The following PCMTD1 variants were observed in gnomAD, a reference collection of about 807,000 sequenced individuals.
PCMTD1 encodes the protein protein-L-isoaspartate (D-aspartate) O-methyltransferase domain containing 1, also known as protein-L-isoaspartate O-methyltransferase domain-containing protein 1.
PCMTD1 carries 12 observed loss-of-function variants against 37.6 expected under a neutral mutation model. That is an observed-to-expected ratio of 0.32 (90% CI 0.20 to 0.52). The LOEUF is 0.52. PCMTD1 is among the 20% of genes least tolerant of loss of function. PCMTD1 has a pLI of 0.97. For synonymous variants in PCMTD1, 117 were observed against 135.8 expected (o/e 0.86, Z 0.96); for missense variants, 235 against 421.3 (o/e 0.56, Z 3.87).
chr8:51,873,467 A>G (rs999744488), intron 1 of PCMTD1, among the ~76,000 whole-genome samples: 4 of 152,204 alleles, frequency 2.6e-5, no homozygotes, highest in African/African-American at 9.7e-5. Flanking sequence ...AGTTTAATCA[A>G]TTCTTGAAAA....
intron 1 of PCMTD1, among the ~76,000 whole-genome samples, chr8:51,893,951 T>C (rs927003304): frequency 1.3e-5 from 2 of 152,196 alleles, no homozygotes; most frequent in Non-Finnish European, 2.9e-5. Context: ...CAGTAAGACA[T>C]AGTTTGTGCT....
Position 51,846,239 on chromosome 8 carries a change from T to C in PCMTD1, c.308-476A>G, listed in dbSNP as rs540138825. On this transcript the variant is annotated intron_variant, in intron 2 of 5. Coordinates refer to ENST00000522514, the MANE Select transcript of PCMTD1 (RefSeq NM_052937.4). ...AAATTCCCACCCCACTCCATGCCTT[T>C]TGGAGCTCCCAGTGCCTAGCAGAAT... Among the ~76,000 whole-genome samples the C allele has an allele frequency of 7.2e-5, 11 of 152,286 alleles. No homozygotes were observed. The South Asian group carries it at 1.9e-3, about 26-fold the overall frequency.
intron 1 of PCMTD1, among the ~76,000 whole-genome samples, chr8:51,888,664 G>A (rs2038896751): frequency 6.6e-6 from 1 of 152,078 alleles, no homozygotes; most frequent in Non-Finnish European, 1.5e-5. Flanking sequence ...GAAATAATGT[G>A]CACATTCAAA....
intron 1 of PCMTD1, among the ~76,000 whole-genome samples, chr8:51,874,623 T>TGA (rs112497662): frequency 6.6e-6 from 1 of 152,090 alleles, no homozygotes; most frequent in Admixed American, 6.5e-5. Flanking sequence ...AGCCAAACAG[T>TGA]GTAAAATTAC....
chr8:51,876,609 AAT>A (rs1268285369), intron 1 of PCMTD1, among the ~76,000 whole-genome samples: 1 of 152,202 alleles, frequency 6.6e-6, no homozygotes, highest in Non-Finnish European at 1.5e-5. Context: ...AGGCAGGGAA[AAT>A]ATGAGTCTGA....
intron 1 of PCMTD1, among the ~76,000 whole-genome samples, chr8:51,874,008 G>A (rs2038677682): frequency 6.6e-6 from 1 of 151,720 alleles, no homozygotes. Context: ...CGCCTCCCGG[G>A]TTCAAGCAAT....
chr8:51,856,468 A>C (rs769263869), intron 2 of PCMTD1, among the ~76,000 whole-genome samples: 17 of 152,206 alleles, frequency 1.1e-4, no homozygotes, highest in Non-Finnish European at 2.4e-4. Context: ...TAAAAACATA[A>C]ATTTACCATA....
rs1423668456 is a variant in PCMTD1 at position 51,818,016 on chromosome 8, T to C, written c.*2335A>G. The C allele has an allele frequency of 2.5e-5, 11 of 448,730 alleles. No individual in the cohort carries two copies. Among genetic ancestry groups the C allele is most frequent in the Non-Finnish European group, 1.8e-5 (4 of 222,678 alleles). 27.8% of individuals were successfully genotyped at this position (448,730 alleles called of 1,614,324 possible). A position where few individuals can be genotyped will look rare whatever the true frequency, so the allele number is the denominator to read the frequency against. ...TATATTCCCCATCATTTTCACTTAC[T>C]TTTACTTAATCTTTATTTGCTACTT... On this transcript the variant is annotated 3_prime_UTR_variant, in exon 6 of 6. Transcript: ENST00000522514.
intron 2 of PCMTD1, among the ~76,000 whole-genome samples, chr8:51,855,620 A>G (rs947016590): frequency 6.6e-6 from 1 of 152,028 alleles, no homozygotes; most frequent in Non-Finnish European, 1.5e-5. Context: ...TTGATGCATA[A>G]AACAGAGTAT....
intron 1 of PCMTD1, among the ~76,000 whole-genome samples, chr8:51,861,459 G>C (rs893485473): frequency 6.6e-6 from 1 of 152,014 alleles, no homozygotes; most frequent in African/African-American, 2.4e-5. Flanking sequence ...TGTACAGATG[G>C]GAAAACTGGA....
chr8:51,883,214 T>G (rs1365326134), intron 1 of PCMTD1, among the ~76,000 whole-genome samples: 2 of 152,066 alleles, frequency 1.3e-5, no homozygotes, highest in African/African-American at 4.8e-5. Flanking sequence ...AGGAATATAA[T>G]AGCTAGATGG....
intron 1 of PCMTD1, among the ~76,000 whole-genome samples, chr8:51,881,792 TG>T (rs1467272754): frequency 6.6e-6 from 1 of 152,228 alleles, no homozygotes; most frequent in Non-Finnish European, 1.5e-5. Flanking sequence ...TGCTCATATC[TG>T]GGCTCCATTT....
chr8:51,823,022 C>T (rs932566236), intron 5 of PCMTD1, among the ~76,000 whole-genome samples: 4 of 152,254 alleles, frequency 2.6e-5, no homozygotes, highest in East Asian at 3.9e-4. Context: ...GCTATTCCAG[C>T]GATGTATCTT....
intron 4 of PCMTD1, among the ~76,000 whole-genome samples, chr8:51,832,374 TTTTA>T (rs750070863): frequency 5.3e-4 from 80 of 152,200 alleles, no homozygotes; most frequent in Non-Finnish European, 9.4e-4. Context: ...TACTCTGCCT[TTTTA>T]ATATCTGACA....
chr8:51,851,413 A>G (rs1211301270), intron 2 of PCMTD1, among the ~76,000 whole-genome samples: 3 of 152,248 alleles, frequency 2.0e-5, no homozygotes, highest in Non-Finnish European at 4.4e-5. Flanking sequence ...CCATATCTCT[A>G]AAATGTCGAA....
intron 1 of PCMTD1, among the ~76,000 whole-genome samples, chr8:51,879,368 T>C (rs1293250562): frequency 3.3e-5 from 5 of 152,064 alleles, no homozygotes; most frequent in Non-Finnish European, 5.9e-5. Context: ...AACCAAATCA[T>C]AGGAACAAAC....
intron 1 of PCMTD1, among the ~76,000 whole-genome samples, chr8:51,879,566 T>TA (rs754241141): frequency 2.6e-5 from 4 of 152,184 alleles, no homozygotes; most frequent in Admixed American, 6.5e-5. Context: ...ACTGAGTACT[T>TA]ACAATTTACA....
intron 1 of PCMTD1, among the ~76,000 whole-genome samples, chr8:51,894,859 G>C (rs563606305): frequency 6.6e-6 from 1 of 151,974 alleles, no homozygotes; most frequent in Admixed American, 6.5e-5. Context: ...TTTGAGTCTA[G>C]ATGACTAAGA....
intron 2 of PCMTD1, among the ~76,000 whole-genome samples, chr8:51,860,039 A>T (rs1333424794): frequency 6.6e-6 from 1 of 152,184 alleles, no homozygotes; most frequent in Non-Finnish European, 1.5e-5. Flanking sequence ...CATCCAACAT[A>T]ATGTCTTATA....
Sources: allele counts gnomAD v4.1 joint callset (sites outside exome capture counted in the v4.1 genomes callset), GRCh38; gene constraint gnomAD v4.1.1; transcripts MANE v1.5; gene names NCBI Gene and HGNC (gene_info 2026-07-23, HGNC 2026-07-21).